DYNC1LI2: variants seen among roughly 807,000 people sequenced by gnomAD.
DYNC1LI2 encodes dynein cytoplasmic 1 light intermediate chain 2.
In DYNC1LI2, 19 loss-of-function variants were observed where a neutral mutation model predicts 57.8. That is an observed-to-expected ratio of 0.33 (90% CI 0.23 to 0.48). The LOEUF (loss-of-function observed/expected upper bound fraction) is 0.48. DYNC1LI2 is among the 20% of genes least tolerant of loss of function. The pLI is 0.99. For missense variants in DYNC1LI2, 470 were observed against 604.2 expected (o/e 0.78, Z 2.33); for synonymous variants, 256 against 233.4 (o/e 1.10, Z -0.88).
At position 66,722,053 on chromosome 16, in the gene DYNC1LI2, G is replaced by C. The variant is rs1302690129; in HGVS notation, c.*1669C>G. The C allele has an allele frequency of 6.6e-6, 1 of 152,610 alleles. No homozygotes were observed. Among genetic ancestry groups the C allele is most frequent in the Non-Finnish European group, 1.5e-5 (1 of 68,030 alleles). The allele number at this position is 152,610 out of a possible 1,614,324, so 9.5% of individuals were successfully genotyped here. The stretch of plus-strand genomic sequence containing the variant: ...ACTGAATTAAAAAAGGAAAAAAATA[G>C]TATATCTCAACAATAAAACTGGCAC... On this transcript the variant is annotated 3_prime_UTR_variant, in exon 13 of 13. Coordinates refer to ENST00000258198, the MANE Select transcript of DYNC1LI2 (RefSeq NM_006141.3).
At chr16:66,728,957 A>G (rs58727720) in intron 9 of DYNC1LI2, 83 bp downstream of exon 9, 128,649 of 1,437,474 alleles carry the variant, frequency 0.089, 12,286 homozygotes, top group African/African-American at 0.49. Context: ...GACTTCCCAC[A>G]TGCAGACACC....
intron 5 of DYNC1LI2, among the ~76,000 whole-genome samples, chr16:66,734,792 T>C (rs2017701305): frequency 2.0e-5 from 3 of 151,436 alleles, no homozygotes; most frequent in East Asian, 3.9e-4. Flanking sequence ...AGGTTGGGAG[T>C]TTGAGACCAG....
rs752589224 is a variant in DYNC1LI2, at chr16:66,734,219, C to A, written c.792G>T (p.Gln264His). ...CCCCACACAGCGCCCAAAGGATACA[C>A]TGAAGGCAGAACCTCCGCAGGTGTG... ...IQSHLRRFCL[Q>H]YGAALIYTSV... The change falls in exon 6 of 13, where the codon CAG becomes CAT. Residue 264 changes from glutamine (Q) to histidine (H), a missense_variant and splice_region_variant. By Grantham distance (24) the Gln-to-His change is conservative. Coordinates refer to ENST00000258198, the MANE Select transcript of DYNC1LI2 (RefSeq NM_006141.3). The A allele has an allele frequency of 1.4e-5, 22 of 1,614,088 alleles. No homozygotes were observed. Among genetic ancestry groups the A allele is most frequent in the Non-Finnish European group, 1.7e-5 (20 of 1,180,012 alleles).
At chr16:66,747,887 G>A (rs1392923983) in intron 3 of DYNC1LI2, among the ~76,000 whole-genome samples, 1 of 152,124 alleles carries the variant, frequency 6.6e-6, no homozygotes, top group Non-Finnish European at 1.5e-5. Context: ...AAGTAATTTA[G>A]TGAATACACT....
chr16:66,738,194 C>G (rs1245674719), intron 4 of DYNC1LI2: 1 of 150,330 alleles, frequency 6.7e-6, no homozygotes, highest in Admixed American at 6.6e-5. Context: ...TGAAAACTAA[C>G]TGATTAGGCC....
chr16:66,734,997 CAAAA>C (rs377398071), intron 5 of DYNC1LI2, among the ~76,000 whole-genome samples: 1 of 38,572 alleles, frequency 2.6e-5, no homozygotes, highest in African/African-American at 1.2e-4. Context: ...AACTCCGTCT[CAAAA>C]AAAAAAAAAA....
At chr16:66,737,506 AAAAAT>A (rs1369192706) in intron 4 of DYNC1LI2, among the ~76,000 whole-genome samples, 6 of 151,660 alleles carry the variant, frequency 4.0e-5, no homozygotes, top group Non-Finnish European at 8.8e-5. Context: ...AAAAAAAAAA[AAAAAT>A]GCTTAATGAA....
Position 66,725,819 on chromosome 16 carries a change from C to T in DYNC1LI2, c.1378+9G>A. The T allele has an allele frequency of 1.2e-6, 2 of 1,611,604 alleles. No individual in the cohort carries two copies. Among genetic ancestry groups the T allele is most frequent in the Non-Finnish European group, 1.7e-6 (2 of 1,179,182 alleles). ...ACAAGAGTCACAAGTCTCCAGGGCC[C>T]TTCTGTACCTGACTTCTTGGCTGTG... On this transcript the variant is annotated intron_variant, in intron 12 of 12. Transcript: ENST00000258198.
intron 4 of DYNC1LI2, chr16:66,739,463 T>A (rs184234486): frequency 6.6e-6 from 1 of 152,230 alleles, no homozygotes; most frequent in African/African-American, 2.4e-5. Context: ...GTTTTTGAGA[T>A]AGAGTCTTGG....
chr16:66,727,850 CAAA>C, intron 10 of DYNC1LI2, 45 bp from the exon 11 acceptor site: 1 of 1,492,212 alleles, frequency 6.7e-7, no homozygotes, highest in Non-Finnish European at 9.2e-7. Flanking sequence ...ATAACAATAA[CAAA>C]AAATACATAT....
intron 6 of DYNC1LI2, chr16:66,733,496 G>C (rs2017675749): frequency 1.3e-5 from 2 of 152,230 alleles, no homozygotes; most frequent in Non-Finnish European, 2.9e-5. Flanking sequence ...ATGAGGTCAG[G>C]AGTTCGAGAC....
At position 66,749,290 on chromosome 16, in the gene DYNC1LI2, T is replaced by C. The variant is rs760882886; in HGVS notation, c.205A>G (p.Thr69Ala). 10 of 1,614,174 alleles carry C rather than the reference T, an allele frequency of 6.2e-6. No individual in the cohort carries two copies. The South Asian group carries it at 7.7e-5, about 12-fold the overall frequency. ...GCTCCTTGTAGTTTAGTCATGAGGG[T>C]TGTTTTACCAGAACCATCTTCACCT... ...VFGEDGSGKT[T>A]LMTKLQGAEH... Residue 69 changes from threonine to alanine, a missense_variant, in exon 3 of 13, where the codon ACC becomes GCC. Transcript: ENST00000258198.
At chr16:66,745,173 A>G (rs1449585819) in intron 3 of DYNC1LI2, among the ~76,000 whole-genome samples, 1 of 152,182 alleles carries the variant, frequency 6.6e-6, no homozygotes, top group African/African-American at 2.4e-5. Flanking sequence ...CCTTGTTGGG[A>G]TTACAGGCAT....
At position 66,723,635 on chromosome 16, in the gene DYNC1LI2, C is replaced by T. The variant is rs2017486747; in HGVS notation, c.*87G>A. ...CTCCCCTGCCCCAAAAAACTGATAG[C>T]ATGTGCCATATCAGAAAAATCCTGG... On this transcript the variant is annotated 3_prime_UTR_variant, in exon 13 of 13. Transcript: ENST00000258198. 15 of 1,159,510 alleles carry T rather than the reference C, an allele frequency of 1.3e-5. No homozygotes were observed. Among genetic ancestry groups the T allele is most frequent in the Non-Finnish European group, 1.8e-5 (15 of 819,290 alleles). The allele number at this position is 1,159,510 out of a possible 1,614,324, so 71.8% of individuals were successfully genotyped here. A position where few individuals can be genotyped will look rare whatever the true frequency, so the allele number is the denominator to read the frequency against.
intron 3 of DYNC1LI2, among the ~76,000 whole-genome samples, chr16:66,743,009 C>T (rs1043595546): frequency 6.6e-6 from 1 of 151,834 alleles, no homozygotes; most frequent in Non-Finnish European, 1.5e-5. Flanking sequence ...AAGTACAAAA[C>T]AAATTAGCCG....
intron 3 of DYNC1LI2, among the ~76,000 whole-genome samples, chr16:66,746,251 T>C (rs941448220): frequency 2.6e-5 from 4 of 152,166 alleles, no homozygotes; most frequent in Non-Finnish European, 2.9e-5. Context: ...ACCCATGTGC[T>C]TGGAGATCAC....
At chr16:66,746,378 G>A (rs1421294078) in intron 3 of DYNC1LI2, among the ~76,000 whole-genome samples, 1 of 152,162 alleles carries the variant, frequency 6.6e-6, no homozygotes, top group Non-Finnish European at 1.5e-5. Context: ...CTGGGTAACT[G>A]CTTGCAAAGT....
rs1220294819 is a variant in DYNC1LI2 at position 66,730,049 on chromosome 16, G to A, written c.1041+63C>T. 1.0e-5 allele frequency: 15 copies of A among 1,444,776 alleles called. 1 individual carries two copies. The Admixed American group carries it at 3.0e-4, about 28-fold the overall frequency. The allele number at this position is 1,444,776 out of a possible 1,614,324, so 89.5% of individuals were successfully genotyped here. On this transcript the variant is annotated intron_variant, in intron 8 of 12. Transcript: ENST00000258198. Reference sequence around the variant, plus strand: ...GCCCGCTTTGGCCTCCCAAAGTGCTGGGATTACAGGCATCAGCCACCGCGC... The same window carrying A: ...GCCCGCTTTGGCCTCCCAAAGTGCTAGGATTACAGGCATCAGCCACCGCGC...
chr16:66,724,301 GCA>G (rs1478108412), intron 12 of DYNC1LI2, among the ~76,000 whole-genome samples: 1 of 152,100 alleles, frequency 6.6e-6, no homozygotes, highest in Non-Finnish European at 1.5e-5. Flanking sequence ...GTTCAGTCCT[GCA>G]CAAAATCTAT....
Sources: gnomAD v4.1 joint callset for allele counts (sites outside exome capture counted in the v4.1 genomes callset) on GRCh38, gnomAD v4.1.1 for gene constraint, MANE v1.5 for transcripts, NCBI Gene and HGNC (gene_info 2026-07-23, HGNC 2026-07-21) for gene names.